ASCC3: variants seen among roughly 807,000 people sequenced by gnomAD.
ASCC3 encodes ASC-1 complex subunit P200.
A neutral mutation model predicts 256.3 loss-of-function variants in ASCC3; 158 were observed. The observed-to-expected ratio is 0.62, with a 90% CI of 0.54 to 0.70. ASCC3 has a LOEUF of 0.70. Among genes scored for constraint, ASCC3 ranks in the 30% least tolerant of loss-of-function variants. The pLI is 0.00. For synonymous variants in ASCC3, 948 were observed against 883.4 expected, an observed-to-expected ratio of 1.07 and a Z score of -1.30; for missense variants, 2,259 against 2,626.0, an observed-to-expected ratio of 0.86 and a Z score of 3.05.
intron 8 of ASCC3, among the ~76,000 whole-genome samples, chr6:100,790,685 G>A (rs570224590): frequency 6.6e-6 from 1 of 151,972 alleles, no homozygotes; most frequent in East Asian, 1.9e-4. Flanking sequence ...GTTATACTGG[G>A]ACAGTTCAAT....
At chr6:100,592,543 T>C (rs1463517064) in intron 34 of ASCC3, among the ~76,000 whole-genome samples, 3 of 152,010 alleles carry the variant, frequency 2.0e-5, no homozygotes, top group Non-Finnish European at 4.4e-5. Flanking sequence ...GTAAATGAAG[T>C]TTTTTAGGTT....
chr6:100,656,288 G>A (rs984398976), intron 16 of ASCC3, among the ~76,000 whole-genome samples: 6 of 151,518 alleles, frequency 4.0e-5, no homozygotes, highest in African/African-American at 1.5e-4. Flanking sequence ...CCACAGAGGG[G>A]ATAACATTAG....
chr6:100,590,017 C>T lies in ASCC3; in HGVS notation c.5346G>A (p.Lys1782=), dbSNP rs761722070. Reference sequence around the variant, plus strand: ...ACTTCTCAATCAGATGGGACAGAAACTTGTTCACAGAATCATGGCTCACAT... The same window carrying T: ...ACTTCTCAATCAGATGGGACAGAAATTTGTTCACAGAATCATGGCTCACAT... ...LGDVSHDSVN[K]FLSHLIEKSL... The change falls in exon 35 of 42, where the codon AAG becomes AAA. Residue 1782 remains lysine, a synonymous_variant. Transcript: ENST00000369162. The T allele has an allele frequency of 9.3e-6, 15 of 1,613,562 alleles. No individual in the cohort carries two copies. In the South Asian group the frequency reaches 1.5e-4, roughly 17 times the overall value.
intron 8 of ASCC3, among the ~76,000 whole-genome samples, chr6:100,782,724 G>A (rs1017922333): frequency 6.7e-6 from 1 of 149,276 alleles, no homozygotes; most frequent in African/African-American, 2.5e-5. Context: ...TCCATAAACA[G>A]AATAAGAAAG....
At chr6:100,568,756 ATT>A (rs1770411421) in intron 36 of ASCC3, among the ~76,000 whole-genome samples, 1 of 47,286 alleles carries the variant, frequency 2.1e-5, no homozygotes, top group African/African-American at 1.7e-4. Context: ...GTCATAAATT[ATT>A]ATTATTATTA....
chr6:100,777,706 A>G (rs939838413), intron 8 of ASCC3, among the ~76,000 whole-genome samples: 3 of 152,096 alleles, frequency 2.0e-5, no homozygotes, highest in African/African-American at 7.2e-5. Flanking sequence ...CCAGAAGCAG[A>G]CCACTAAATC....
chr6:100,871,638 C>T (rs1003944599), intron 1 of ASCC3, among the ~76,000 whole-genome samples: 4 of 152,104 alleles, frequency 2.6e-5, no homozygotes, highest in African/African-American at 4.8e-5. Context: ...AAGTGGCATG[C>T]ACCTGTAGTC....
chr6:100,589,546 G>T (rs978697529), intron 36 of ASCC3, 88 bp downstream of exon 36: 3 of 1,509,578 alleles, frequency 2.0e-6, no homozygotes, highest in African/African-American at 2.8e-5. Context: ...CTTTACAAAT[G>T]GTTTCTGTTA....
At chr6:100,558,145 A>G (rs1285850881) in intron 36 of ASCC3, among the ~76,000 whole-genome samples, 3 of 151,978 alleles carry the variant, frequency 2.0e-5, no homozygotes, top group African/African-American at 4.8e-5. Context: ...AGAAAACTAC[A>G]TAAGACTAAT....
intron 8 of ASCC3, among the ~76,000 whole-genome samples, chr6:100,772,218 C>A (rs780552197): frequency 6.6e-6 from 1 of 152,092 alleles, no homozygotes; most frequent in Non-Finnish European, 1.5e-5. Flanking sequence ...CAAACATACA[C>A]CTAAACTAAA....
At chr6:100,603,341 T>G (rs1454550285) in intron 33 of ASCC3, among the ~76,000 whole-genome samples, 2 of 152,092 alleles carry the variant, frequency 1.3e-5, no homozygotes, top group Non-Finnish European at 2.9e-5. Flanking sequence ...AACACAGTTG[T>G]GTAATCAACA....
At chr6:100,669,152 C>A (rs1472396212) in intron 14 of ASCC3, among the ~76,000 whole-genome samples, 4 of 150,180 alleles carry the variant, frequency 2.7e-5, no homozygotes, top group East Asian at 3.9e-4. Flanking sequence ...AAAAGTATTT[C>A]TTTTATGAAA....
intron 8 of ASCC3, among the ~76,000 whole-genome samples, chr6:100,783,271 T>C (rs1323984763): frequency 6.6e-6 from 1 of 152,198 alleles, no homozygotes; most frequent in Non-Finnish European, 1.5e-5. Flanking sequence ...GGTCTTAACA[T>C]GGCTAGTTCC....
intron 30 of ASCC3, among the ~76,000 whole-genome samples, chr6:100,615,319 A>G (rs9377085): frequency 0.32 from 48,583 of 151,778 alleles, 9,650 homozygotes; most frequent in Middle Eastern, 0.51. Flanking sequence ...GTCCCCATCA[A>G]ATTACTCCCA....
intron 3 of ASCC3, among the ~76,000 whole-genome samples, chr6:100,853,895 T>C (rs1044918379): frequency 3.3e-5 from 5 of 152,272 alleles, no homozygotes; most frequent in South Asian, 2.1e-4. Context: ...ATACAGGACC[T>C]TACCTACAAC....
chr6:100,600,044 C>T (rs923876507), intron 34 of ASCC3, among the ~76,000 whole-genome samples: 1 of 152,090 alleles, frequency 6.6e-6, no homozygotes, highest in Admixed American at 6.6e-5. Flanking sequence ...GTGACTCAGA[C>T]TCACACCATT....
At chr6:100,805,625 A>C (rs1471711073) in intron 5 of ASCC3, 135 bp downstream of exon 5, 2 of 1,109,286 alleles carry the variant, frequency 1.8e-6, no homozygotes, top group Non-Finnish European at 1.3e-6. Context: ...CCATATCTAA[A>C]ATCTATTTAA....
At chr6:100,659,437 G>C (rs1776079803) in intron 16 of ASCC3, among the ~76,000 whole-genome samples, 1 of 151,284 alleles carries the variant, frequency 6.6e-6, no homozygotes, top group African/African-American at 2.4e-5. Context: ...GTTCAACAAT[G>C]GCTATACTTC....
intron 4 of ASCC3, among the ~76,000 whole-genome samples, chr6:100,814,679 T>C: frequency 6.6e-6 from 1 of 152,174 alleles, no homozygotes; most frequent in Non-Finnish European, 1.5e-5. Context: ...GGAAGGTATA[T>C]GTGTCCAGGA....
Sources: allele counts gnomAD v4.1 joint callset (sites outside exome capture counted in the v4.1 genomes callset), GRCh38; gene constraint gnomAD v4.1.1; transcripts MANE v1.5; gene names NCBI Gene and HGNC (gene_info 2026-07-23, HGNC 2026-07-21).